Variants in PPFIA1 observed in about 807,000 individuals in gnomAD.
PPFIA1 encodes liprin-alpha-1.
Under a neutral mutation model 149.9 loss-of-function variants are expected in PPFIA1, and 25 were observed. The observed-to-expected ratio is 0.17, with a 90% CI of 0.12 to 0.23. The LOEUF is 0.23. PPFIA1 is among the 10% of genes least tolerant of loss of function. The probability of loss-of-function intolerance (pLI) is 1.00; values close to 1 mark genes in which losing one functional copy is unlikely to be tolerated. For synonymous variants in PPFIA1, 549 were observed against 552.8 expected (o/e 0.99, Z 0.10); for missense variants, 1,362 against 1,506.5 (o/e 0.90, Z 1.59).
At chr11:70,303,428 A>G (rs1163041883) in intron 2 of PPFIA1, among the ~76,000 whole-genome samples, 1 of 152,206 alleles carries the variant, frequency 6.6e-6, no homozygotes, top group African/African-American at 2.4e-5. Context: ...CCTTGCTAAT[A>G]TGAGCCTGAA....
At chr11:70,353,942 G>A (rs1239904680) in intron 16 of PPFIA1, among the ~76,000 whole-genome samples, 2 of 152,174 alleles carry the variant, frequency 1.3e-5, no homozygotes, top group African/African-American at 2.4e-5. Context: ...CATTTGTAAC[G>A]ATGTGGTTTA....
At chr11:70,358,073 C>G (rs1485570855) in intron 19 of PPFIA1, 1 of 152,130 alleles carries the variant, frequency 6.6e-6, no homozygotes, top group East Asian at 1.9e-4. Flanking sequence ...TTATGTTGTG[C>G]TTGGGATCCA....
intron 2 of PPFIA1, among the ~76,000 whole-genome samples, chr11:70,315,682 T>C: frequency 7.3e-6 from 1 of 137,096 alleles, no homozygotes; most frequent in Admixed American, 7.1e-5. Context: ...TTTTCTGTTT[T>C]TTTTTTTTTT....
intron 21 of PPFIA1, among the ~76,000 whole-genome samples, chr11:70,363,609 GC>G (rs1191953624): frequency 6.6e-6 from 1 of 152,066 alleles, no homozygotes. Context: ...AACCTCTTGG[GC>G]TCAAGCGATC....
chr11:70,300,709 A>G (rs570456035), intron 2 of PPFIA1, among the ~76,000 whole-genome samples: 9 of 151,928 alleles, frequency 5.9e-5, no homozygotes, highest in Admixed American at 4.6e-4. Context: ...AATTTTATGT[A>G]TTTTTAGTAG....
chr11:70,281,961 A>G (rs1031856525), intron 2 of PPFIA1, among the ~76,000 whole-genome samples: 13 of 151,650 alleles, frequency 8.6e-5, no homozygotes, highest in Non-Finnish European at 1.9e-4. Context: ...CGGAGTCTGG[A>G]GACATTGGTT....
intron 2 of PPFIA1, among the ~76,000 whole-genome samples, chr11:70,276,406 C>A (rs1029277982): frequency 1.3e-5 from 2 of 151,806 alleles, no homozygotes; most frequent in Admixed American, 6.6e-5. Flanking sequence ...ATGTATTCTC[C>A]TTTTACTGGA....
Position 70,356,172 on chromosome 11 carries a change from G to C in PPFIA1, c.2500G>C (p.Glu834Gln). 2 of 1,613,868 alleles carry C rather than the reference G, an allele frequency of 1.2e-6. No individual in the cohort carries two copies. Among genetic ancestry groups the C allele is most frequent in the Non-Finnish European group, 1.7e-6 (2 of 1,179,950 alleles). The change falls in exon 19 of 28, where the codon GAG becomes CAG. Residue 834 changes from glutamate (E) to glutamine (Q), a missense_variant. Physicochemically the swap from Glu to Gln is conservative, Grantham distance 29. Coordinates refer to ENST00000253925, the MANE Select transcript of PPFIA1 (RefSeq NM_003626.5). ...CTGCTTCCTCACAGCTGGTGTTTCC[G>C]AGACGGATAACTCATCTCAGGATGC... Reference protein sequence around the residue: ...KEALGQAGVSETDNSSQDALG... With the variant: ...KEALGQAGVSQTDNSSQDALG...
At chr11:70,348,059 T>C in intron 15 of PPFIA1, 130 bp from the exon 16 acceptor site, 2 of 682,880 alleles carry the variant, frequency 2.9e-6, no homozygotes, top group Non-Finnish European at 5.0e-6. Flanking sequence ...TGCTGAAGTG[T>C]TCATTGTTTG....
In PPFIA1 at chr11:70,324,410, A is replaced by G. The variant is rs532532963; in HGVS notation, c.273A>G (p.Ala91=). ...QLNTALPQEF[A]ALTKELNVCR... ...GTTTTGTGATTTTCTAGGAGTTCGC[A>G]GCACTTACTAAAGAACTCAATGTAT... The change falls in exon 3 of 28, where the codon GCA becomes GCG. Residue 91 remains alanine (A), a synonymous_variant. Transcript: ENST00000253925. 5.6e-6 allele frequency: 9 copies of G among 1,606,448 alleles called. No homozygotes were observed. The highest frequency in any genetic ancestry group is 7.7e-6 in the Non-Finnish European group (9 of 1,176,390).
At position 70,348,257 on chromosome 11, in the gene PPFIA1, G is replaced by A; in HGVS notation, c.2000G>A (p.Gly667Glu). 1 of 1,614,190 alleles carries A rather than the reference G, an allele frequency of 6.2e-7. No homozygotes were observed. The highest frequency in any genetic ancestry group is 2.2e-5 in the East Asian group (1 of 44,878). ...GAGATTGAAAGTCGAGTTGGCAGTG[G>A]AAGTCTAGACAATCTTGGTCGTTTT... is the stretch of plus-strand genomic sequence containing the variant. ...AEEIESRVGS[G>E]SLDNLGRFRS... The change falls in exon 16 of 28, where the codon GGA (glycine) becomes GAA (glutamate). Residue 667 changes from glycine (G) to glutamate (E), a missense_variant. Physicochemically the swap from Gly to Glu is moderately conservative, Grantham distance 98. This residue lies in a region of PPFIA1 where 733 missense variants were observed against 744.1 expected (regional missense o/e 0.99). Transcript: ENST00000253925.
At chr11:70,351,618 T>C (rs1348408998) in intron 16 of PPFIA1, among the ~76,000 whole-genome samples, 2 of 152,244 alleles carry the variant, frequency 1.3e-5, no homozygotes, top group Admixed American at 6.5e-5. Flanking sequence ...ACTCAAATTA[T>C]AGATTTTGGA....
intron 26 of PPFIA1, among the ~76,000 whole-genome samples, chr11:70,379,120 G>A (rs567291161): frequency 2.0e-5 from 3 of 152,144 alleles, no homozygotes; most frequent in South Asian, 2.1e-4. Flanking sequence ...TTCTGAGCCC[G>A]TGTCAGTCGG....
At chr11:70,374,877 T>G in intron 23 of PPFIA1, 41 bp from the exon 24 acceptor site, 1 of 1,591,760 alleles carries the variant, frequency 6.3e-7, no homozygotes, top group Non-Finnish European at 8.6e-7. Context: ...TAAAGATGGC[T>G]TTCTGAAGCC....
intron 10 of PPFIA1, among the ~76,000 whole-genome samples, chr11:70,333,907 T>C (rs895807575): frequency 6.6e-6 from 1 of 151,972 alleles, no homozygotes; most frequent in African/African-American, 2.4e-5. Context: ...TAGAGGCAGG[T>C]CCATTGTCCT....
chr11:70,304,090 C>T (rs1201775933), intron 2 of PPFIA1, among the ~76,000 whole-genome samples: 1 of 152,164 alleles, frequency 6.6e-6, no homozygotes, highest in Non-Finnish European at 1.5e-5. Context: ...CTTTGAGCTC[C>T]ATGCCCTAGC....
intron 2 of PPFIA1, among the ~76,000 whole-genome samples, chr11:70,308,538 A>G (rs2053034300): frequency 6.6e-6 from 1 of 152,264 alleles, no homozygotes; most frequent in African/African-American, 2.4e-5. Flanking sequence ...GAACTTTGAA[A>G]AATACTATAA....
At chr11:70,274,248 T>G (rs2050256349) in intron 2 of PPFIA1, among the ~76,000 whole-genome samples, 1 of 152,232 alleles carries the variant, frequency 6.6e-6, no homozygotes, top group South Asian at 2.1e-4. Flanking sequence ...TGGCACATTG[T>G]GGAGGCAAGT....
chr11:70,275,529 A>G (rs920512729), intron 2 of PPFIA1, among the ~76,000 whole-genome samples: 6 of 152,150 alleles, frequency 3.9e-5, no homozygotes, highest in African/African-American at 1.4e-4. Flanking sequence ...GATATTCTAC[A>G]TTGTCTTCTA....
Sources: gnomAD v4.1 joint callset for allele counts (sites outside exome capture counted in the v4.1 genomes callset) on GRCh38, gnomAD v4.1.1 for gene constraint, gnomAD v4.1.1 regional missense constraint, MANE v1.5 for transcripts, NCBI Gene and HGNC (gene_info 2026-07-23, HGNC 2026-07-21) for gene names.